GYS2: variants seen among roughly 807,000 people sequenced by gnomAD.
GYS2 encodes the protein glycogen synthase 2, also known as glycogen [starch] synthase, liver.
Under a neutral mutation model 85.6 loss-of-function variants are expected in GYS2, and 80 were observed. The observed-to-expected ratio is 0.93, with a 90% CI of 0.78 to 1.13. The LOEUF is 1.13. Among genes scored for constraint, GYS2 ranks in the 50% most tolerant of loss-of-function variants. GYS2 has a pLI of 0.00. For synonymous variants in GYS2, 328 were observed against 300.7 expected, an observed-to-expected ratio of 1.09 and a Z score of -0.94; for missense variants, 881 against 854.9, an observed-to-expected ratio of 1.03 and a Z score of -0.38.
chr12:21,599,699 T>C (rs527593104), intron 1 of GYS2, among the ~76,000 whole-genome samples: 3 of 152,206 alleles, frequency 2.0e-5, no homozygotes, highest in Non-Finnish European at 4.4e-5. Flanking sequence ...CTAATTACTA[T>C]GCATCCCGTG....
Position 21,589,780 on chromosome 12 carries a change from G to A in GYS2, c.122-9257C>T, listed in dbSNP as rs535824799. ...TATCATAAGGAACTGCCCAGCAATCGCACAAAGGCATTGCTCCAGAGAAGG... is the reference window on the plus strand; with the variant it reads ...TATCATAAGGAACTGCCCAGCAATCACACAAAGGCATTGCTCCAGAGAAGG... On this transcript the variant is annotated intron_variant, in intron 1 of 15. Transcript: ENST00000261195. Among the ~76,000 whole-genome samples the A allele has an allele frequency of 2.7e-4, 41 of 152,154 alleles. 1 individual carries two copies. Among genetic ancestry groups the A allele is most frequent in the Middle Eastern group, 6.8e-3 (2 of 294 alleles).
At chr12:21,576,373 A>C (rs1333202192) in intron 2 of GYS2, among the ~76,000 whole-genome samples, 2 of 152,174 alleles carry the variant, frequency 1.3e-5, no homozygotes, top group African/African-American at 4.8e-5. Flanking sequence ...TTAATATTAT[A>C]GTGTCTGCTT....
intron 12 of GYS2, 90 bp from the exon 13 acceptor site, chr12:21,542,681 A>T: frequency 2.6e-6 from 2 of 780,194 alleles, no homozygotes; most frequent in Non-Finnish European, 4.6e-6. Flanking sequence ...TAGTCCTCCT[A>T]AGAATAGCAA....
intron 1 of GYS2, among the ~76,000 whole-genome samples, chr12:21,604,199 A>G (rs1046053247): frequency 2.6e-5 from 4 of 152,148 alleles, no homozygotes; most frequent in African/African-American, 9.7e-5. Flanking sequence ...CTATGTTGTC[A>G]TAATATGGAT....
chr12:21,567,782 T>C (rs1169520530), intron 5 of GYS2, among the ~76,000 whole-genome samples: 1 of 151,974 alleles, frequency 6.6e-6, no homozygotes, highest in African/African-American at 2.4e-5. Context: ...TTTTTAAAAG[T>C]GGTCAAAACT....
intron 2 of GYS2, among the ~76,000 whole-genome samples, chr12:21,578,521 A>C (rs1438265669): frequency 1.3e-5 from 2 of 152,258 alleles, no homozygotes; most frequent in African/African-American, 2.4e-5. Flanking sequence ...ACTACATCTC[A>C]AACATGTCCA....
In GYS2 at chr12:21,546,509, G is replaced by A. The variant is rs755010971; in HGVS notation, c.1423-39C>T. Reference sequence around the variant, plus strand: ...ATTCTAATTTAAAAAAAAAGAAAAAGGAGCAAGTAAAGTGAAAAATCTCCT... The same window carrying A: ...ATTCTAATTTAAAAAAAAAGAAAAAAGAGCAAGTAAAGTGAAAAATCTCCT... On this transcript the variant is annotated intron_variant, in intron 11 of 15. Coordinates refer to ENST00000261195, the MANE Select transcript of GYS2 (RefSeq NM_021957.4). 6.2e-6 allele frequency: 9 copies of A among 1,454,768 alleles called. No individual in the cohort carries two copies. The South Asian group carries it at 7.3e-5, about 12-fold the overall frequency. 90.1% of individuals were successfully genotyped at this position (1,454,768 alleles called of 1,614,324 possible).
At chr12:21,603,571 T>C (rs987088591) in intron 1 of GYS2, among the ~76,000 whole-genome samples, 1 of 152,082 alleles carries the variant, frequency 6.6e-6, no homozygotes, top group African/African-American at 2.4e-5. Flanking sequence ...ATAAATGTGT[T>C]ATATATCACA....
intron 5 of GYS2, among the ~76,000 whole-genome samples, chr12:21,567,614 A>C (rs886722386): frequency 6.6e-6 from 1 of 151,922 alleles, no homozygotes; most frequent in African/African-American, 2.4e-5. Flanking sequence ...ACTAGAGACA[A>C]GACCACAGAA....
In GYS2 at chr12:21,604,568, C is replaced by T; in HGVS notation, c.25G>A (p.Val9Ile). 9 of 1,612,716 alleles carry T rather than the reference C, an allele frequency of 5.6e-6. No homozygotes were observed. The South Asian group carries it at 9.9e-5, about 18-fold the overall frequency. Reference sequence around the variant, plus strand: ...TGGGGAAGCCCACCCAGGGATGTTACAGAGAGGGATCGGCCTCGAAGCATT... The same window carrying T: ...TGGGGAAGCCCACCCAGGGATGTTATAGAGAGGGATCGGCCTCGAAGCATT... MLRGRSLSVTSLGGLPQWE... is the reference protein window; with the variant it reads MLRGRSLSITSLGGLPQWE... Residue 9 changes from valine to isoleucine, a missense_variant, in exon 1 of 16, where the codon GTA (valine) becomes ATA (isoleucine). Val to Ile is a conservative substitution (Grantham distance 29). Transcript: ENST00000261195.
At chr12:21,541,411 C>T (rs1261837601) in intron 13 of GYS2, among the ~76,000 whole-genome samples, 1 of 148,796 alleles carries the variant, frequency 6.7e-6, no homozygotes, top group Non-Finnish European at 1.5e-5. Context: ...CCATCTTAAA[C>T]AATTTAGGTG....
At chr12:21,557,814 G>A (rs1478719697) in intron 11 of GYS2, among the ~76,000 whole-genome samples, 2 of 152,018 alleles carry the variant, frequency 1.3e-5, no homozygotes, top group African/African-American at 4.8e-5. Context: ...CAGGAGAATG[G>A]TGTGGACCCG....
chr12:21,559,831 A>T (rs1439552368), intron 8 of GYS2, 121 bp from the exon 9 acceptor site: 7 of 700,614 alleles, frequency 1.0e-5, no homozygotes, highest in Non-Finnish European at 1.5e-5. Flanking sequence ...AATTACAGGT[A>T]TCTTTTTTAT....
intron 4 of GYS2, among the ~76,000 whole-genome samples, chr12:21,571,726 G>T (rs1206569788): frequency 1.3e-5 from 2 of 152,140 alleles, no homozygotes; most frequent in African/African-American, 4.8e-5. Flanking sequence ...ACTTTGGGAG[G>T]CTGAGGCGGG....
intron 12 of GYS2, among the ~76,000 whole-genome samples, chr12:21,543,004 G>T (rs1284115615): frequency 6.6e-6 from 1 of 152,088 alleles, no homozygotes; most frequent in African/African-American, 2.4e-5. Context: ...AAGTTTATGA[G>T]GTAGGTTAAA....
chr12:21,561,830 C>G (rs963520528), intron 7 of GYS2, among the ~76,000 whole-genome samples: 7 of 152,052 alleles, frequency 4.6e-5, no homozygotes, highest in African/African-American at 1.4e-4. Context: ...ATTAACGTGG[C>G]TTTAGTAAAT....
Position 21,580,591 on chromosome 12 carries a change from A to T in GYS2, c.122-68T>A, listed in dbSNP as rs545855159. On this transcript the variant is annotated intron_variant, in intron 1 of 15. Coordinates refer to ENST00000261195, the MANE Select transcript of GYS2 (RefSeq NM_021957.4). ...ATTTGTTTAAAGTAATAAGGGATGGAAATGAGTTCAGATTTTTAAATTAGC... is the reference window on the plus strand; with the variant it reads ...ATTTGTTTAAAGTAATAAGGGATGGTAATGAGTTCAGATTTTTAAATTAGC... 4.2e-5 allele frequency: 48 copies of T among 1,136,276 alleles called. No individual in the cohort carries two copies. In the African/African-American group the frequency reaches 7.0e-4, roughly 17 times the overall value. The allele number at this position is 1,136,276 out of a possible 1,614,324, so 70.4% of individuals were successfully genotyped here.
intron 10 of GYS2, among the ~76,000 whole-genome samples, chr12:21,558,555 C>T (rs537542317): frequency 7.9e-5 from 12 of 152,218 alleles, no homozygotes; most frequent in Non-Finnish European, 1.5e-4. Flanking sequence ...TATGAGAGAC[C>T]TGGACTTCTT....
chr12:21,563,784 C>T (rs1412240666), intron 5 of GYS2, among the ~76,000 whole-genome samples: 1 of 152,104 alleles, frequency 6.6e-6, no homozygotes, highest in African/African-American at 2.4e-5. Flanking sequence ...TTAAAGACGC[C>T]GTCCAAGAAC....
Sources: gnomAD v4.1 joint callset for allele counts (sites outside exome capture counted in the v4.1 genomes callset) on GRCh38, gnomAD v4.1.1 for gene constraint, MANE v1.5 for transcripts, NCBI Gene and HGNC (gene_info 2026-07-23, HGNC 2026-07-21) for gene names.